The following RGS22 variants were observed in gnomAD, a reference collection of about 807,000 sequenced individuals.
RGS22 encodes the protein regulator of G protein signaling 22, also known as regulator of G-protein signaling 22.
In RGS22, 148 loss-of-function variants were observed where a neutral mutation model predicts 172.9. The ratio of observed to expected loss-of-function variants is 0.86; its 90% CI spans 0.75 to 0.98. The LOEUF (loss-of-function observed/expected upper bound fraction) is 0.98, where lower values mean the gene tolerates loss of function less well. Among genes scored for constraint, RGS22 ranks in the 50% least tolerant of loss-of-function variants. The pLI is 0.00. For synonymous variants in RGS22, 458 were observed against 480.2 expected, an observed-to-expected ratio of 0.95 and a Z score of 0.60; for missense variants, 1,347 against 1,440.8, an observed-to-expected ratio of 0.93 and a Z score of 1.05.
chr8:100,085,644 C>T lies in RGS22; in HGVS notation c.118-5289G>A, dbSNP rs146197443. On this transcript the variant is annotated intron_variant, in intron 3 of 27. Transcript: ENST00000360863. Reference sequence around the variant, plus strand: ...GATGGACTTGTGTTTAAAGCTCATGCTGTACACAAAATGTGTATGTTTAAC... The same window carrying T: ...GATGGACTTGTGTTTAAAGCTCATGTTGTACACAAAATGTGTATGTTTAAC... Among the ~76,000 whole-genome samples the T allele has an allele frequency of 3.1e-4, 47 of 152,314 alleles. 1 individual carries two copies. The highest frequency in any genetic ancestry group is 3.4e-3 in the Middle Eastern group (1 of 294).
chr8:100,083,830 C>CTTTTTTTTTTTTTTTTTTTTTTTTT (rs59603032), intron 3 of RGS22, among the ~76,000 whole-genome samples: 3 of 126,054 alleles, frequency 2.4e-5, no homozygotes, highest in Non-Finnish European at 1.6e-5. Flanking sequence ...AATTTCTTTT[C>CTTTTTTTTTTTTTTTTTTTTTTTTT]TTTTTTTTTT....
intron 24 of RGS22, among the ~76,000 whole-genome samples, chr8:99,964,477 C>CAAAAAAAA (rs34613354): frequency 5.4e-5 from 3 of 55,260 alleles, no homozygotes; most frequent in Non-Finnish European, 7.6e-5. Context: ...GACCCTGTCT[C>CAAAAAAAA]AAAAAAAAAA....
intron 2 of RGS22, among the ~76,000 whole-genome samples, chr8:100,093,992 C>A (rs1812779609): frequency 6.6e-6 from 1 of 152,110 alleles, no homozygotes; most frequent in Non-Finnish European, 1.5e-5. Context: ...AGAAAATGTT[C>A]TACTGTCCCC....
intron 4 of RGS22, among the ~76,000 whole-genome samples, chr8:100,079,167 T>A (rs1811568260): frequency 6.6e-6 from 1 of 152,192 alleles, no homozygotes; most frequent in South Asian, 2.1e-4. Flanking sequence ...CTGAAGGAAG[T>A]GAATAAAACA....
intron 3 of RGS22, among the ~76,000 whole-genome samples, chr8:100,086,218 T>C (rs933630039): frequency 2.0e-5 from 3 of 152,148 alleles, no homozygotes; most frequent in African/African-American, 7.2e-5. Context: ...AATAATAGGT[T>C]ACATTTGGTG....
chr8:100,015,354 A>T (rs1281895886), intron 14 of RGS22, among the ~76,000 whole-genome samples: 1 of 151,924 alleles, frequency 6.6e-6, no homozygotes, highest in Non-Finnish European at 1.5e-5. Context: ...GTGCAGTGGC[A>T]TGATCTCAAC....
chr8:100,099,179 G>A (rs1813269255), intron 2 of RGS22, among the ~76,000 whole-genome samples: 1 of 152,092 alleles, frequency 6.6e-6, no homozygotes, highest in African/African-American at 2.4e-5. Flanking sequence ...CTCTCAAAGT[G>A]CTGGGATTAC....
intron 10 of RGS22, among the ~76,000 whole-genome samples, chr8:100,052,582 G>A (rs967949958): frequency 6.6e-6 from 1 of 152,074 alleles, no homozygotes; most frequent in East Asian, 1.9e-4. Context: ...TTACAGGCAT[G>A]AGCCACCGCG....
chr8:99,976,572 A>G (rs538877396), intron 23 of RGS22, among the ~76,000 whole-genome samples: 28 of 152,272 alleles, frequency 1.8e-4, no homozygotes, highest in South Asian at 4.2e-4. Flanking sequence ...CGTGTTAGCC[A>G]GGATGGTCTC....
intron 4 of RGS22, among the ~76,000 whole-genome samples, chr8:100,072,985 T>C (rs890368547): frequency 3.3e-5 from 5 of 152,194 alleles, no homozygotes; most frequent in Admixed American, 6.5e-5. Flanking sequence ...TTAAGGAGTA[T>C]AGATTTTATC....
intron 21 of RGS22, among the ~76,000 whole-genome samples, chr8:99,983,287 C>T (rs565048178): frequency 2.7e-4 from 41 of 152,188 alleles, no homozygotes; most frequent in African/African-American, 9.9e-4. Flanking sequence ...ATCTTTTTGG[C>T]AGAATTATTT....
At chr8:100,019,888 CTT>C (rs761435532) in intron 14 of RGS22, among the ~76,000 whole-genome samples, 14 of 142,172 alleles carry the variant, frequency 9.8e-5, no homozygotes, top group Non-Finnish European at 4.7e-5. Flanking sequence ...AAAAAAAGTA[CTT>C]TTTTTTTTTT....
At chr8:100,055,250 G>A (rs1225927789) in intron 9 of RGS22, among the ~76,000 whole-genome samples, 1 of 152,166 alleles carries the variant, frequency 6.6e-6, no homozygotes, top group African/African-American at 2.4e-5. Context: ...TCATAGTGGT[G>A]GTAGCTGCAC....
intron 12 of RGS22, among the ~76,000 whole-genome samples, 195 bp downstream of exon 12, chr8:100,041,607 A>G (rs1032365251): frequency 2.0e-5 from 3 of 152,228 alleles, no homozygotes; most frequent in African/African-American, 7.2e-5. Flanking sequence ...TCAATGCAGT[A>G]TATAGAACCA....
At chr8:99,998,837 A>G (rs1360091747) in intron 19 of RGS22, among the ~76,000 whole-genome samples, 1 of 152,016 alleles carries the variant, frequency 6.6e-6, no homozygotes, top group Admixed American at 6.6e-5. Context: ...GGCTGACTCC[A>G]TACTTCAAAC....
chr8:99,982,173 T>C (rs752978069), intron 21 of RGS22, 57 bp from the exon 22 acceptor site: 60 of 1,301,144 alleles, frequency 4.6e-5, no homozygotes, highest in Non-Finnish European at 6.1e-5. Context: ...GAACACTTAA[T>C]AGAACTGTAT....
chr8:99,992,096 G>A (rs980907234), intron 20 of RGS22, among the ~76,000 whole-genome samples: 23 of 152,110 alleles, frequency 1.5e-4, no homozygotes, highest in Admixed American at 6.6e-4. Flanking sequence ...AAGCCTGCCT[G>A]ACAAGAGCTC....
At chr8:100,058,895 A>G (rs1352370002) in intron 9 of RGS22, among the ~76,000 whole-genome samples, 1 of 152,218 alleles carries the variant, frequency 6.6e-6, no homozygotes, top group African/African-American at 2.4e-5. Flanking sequence ...CTACTTTTAT[A>G]CCAAGTAGAA....
At chr8:100,025,163 C>T (rs1818047765) in intron 14 of RGS22, among the ~76,000 whole-genome samples, 1 of 152,160 alleles carries the variant, frequency 6.6e-6, no homozygotes, top group Admixed American at 6.5e-5. Context: ...AGCCAGAAAG[C>T]TGGCTGCTGT....
Sources: gnomAD v4.1 joint callset for allele counts (sites outside exome capture counted in the v4.1 genomes callset) on GRCh38, gnomAD v4.1.1 for gene constraint, MANE v1.5 for transcripts, NCBI Gene and HGNC (gene_info 2026-07-23, HGNC 2026-07-21) for gene names.